Variants in DENND6B observed in about 807,000 individuals in gnomAD.
The protein encoded by DENND6B is protein DENND6B.
DENND6B carries 73 observed loss-of-function variants against 85.1 expected under a neutral mutation model. That is an observed-to-expected ratio of 0.86 (90% CI 0.71 to 1.04). The LOEUF is 1.04. DENND6B is among the 50% of genes least tolerant of loss of function. DENND6B has a pLI of 0.00. For missense variants in DENND6B, 715 were observed against 785.8 expected (o/e 0.91, Z 1.08); for synonymous variants, 357 against 329.3 (o/e 1.08, Z -0.91).
rs750309764 is a variant in DENND6B, at chr22:50,316,253, A to G, written c.560T>C (p.Val187Ala). ...FDKLAPCLEA[V>A]CSEIDQWPAP... is the part of the protein sequence containing the mutation. Reference sequence around the variant, plus strand: ...CGGCCACTGGTCGATCTCACTGCACACTGCGGATGCAGTAGCCCGCATCAG... The same window carrying G: ...CGGCCACTGGTCGATCTCACTGCACGCTGCGGATGCAGTAGCCCGCATCAG... Residue 187 changes from valine to alanine, a missense_variant and splice_region_variant, in exon 7 of 20, where the codon GTG (valine) becomes GCG (alanine). Physicochemically the swap from Val to Ala is moderately conservative, Grantham distance 64. Coordinates refer to ENST00000413817, the MANE Select transcript of DENND6B (RefSeq NM_001001794.4). The G allele has an allele frequency of 4.8e-5, 77 of 1,601,492 alleles. 1 individual carries two copies. The highest frequency in any genetic ancestry group is 6.4e-5 in the Non-Finnish European group (75 of 1,174,594).
At position 50,311,912 on chromosome 22, in the gene DENND6B, A is replaced by G; in HGVS notation, c.*227T>C. 1 of 713,584 alleles carries G rather than the reference A, an allele frequency of 1.4e-6. No homozygotes were observed. Among genetic ancestry groups the G allele is most frequent in the South Asian group, 1.9e-5 (1 of 51,966 alleles). The allele number at this position is 713,584 out of a possible 1,614,324, so 44.2% of individuals were successfully genotyped here. On this transcript the variant is annotated 3_prime_UTR_variant, in exon 20 of 20. Transcript: ENST00000413817. ...GGTCTGCAGAGGCCAGGTGGGACCC[A>G]GGAGGAGGCAAGGCTCTGCCTGCGA...
chr22:50,314,921 C>A lies in DENND6B; in HGVS notation c.759G>T (p.Arg253Ser). 6.2e-7 allele frequency: 1 copy of A among 1,608,502 alleles called. No individual in the cohort carries two copies. The highest frequency in any genetic ancestry group is 8.5e-7 in the Non-Finnish European group (1 of 1,176,788). Reference protein sequence around the residue: ...LASVHELDLFRCFRPVLTHMQ... With the variant: ...LASVHELDLFSCFRPVLTHMQ... Reference sequence around the variant, plus strand: ...TATGAGTCAGCACAGGCCGGAAGCACCTGGGGCCGGGCAGGAAGGTCGGGG... The same window carrying A: ...TATGAGTCAGCACAGGCCGGAAGCAACTGGGGCCGGGCAGGAAGGTCGGGG... The change falls in exon 10 of 20, where the codon AGG (arginine) becomes AGT (serine). Residue 253 changes from arginine to serine, a missense_variant and splice_region_variant. Physicochemically the swap from Arg to Ser is moderately radical, Grantham distance 110. Coordinates refer to ENST00000413817, the MANE Select transcript of DENND6B (RefSeq NM_001001794.4).
At chr22:50,319,392 C>T (rs967676884) in intron 1 of DENND6B, 21 of 985,314 alleles carry the variant, frequency 2.1e-5, no homozygotes, top group Middle Eastern at 5.2e-4. Context: ...GGGTGAGCTT[C>T]CTGACCCCTT....
Position 50,317,282 on chromosome 22 carries a change from A to G in DENND6B, c.453+11T>C. ...CTTGAGGTGCCAGCCCAGAGTGGCC[A>G]AGCAGCGCACCTTCTGGAAGTAGCC... is the stretch of plus-strand genomic sequence containing the variant. On this transcript the variant is annotated intron_variant, in intron 5 of 19. Coordinates refer to ENST00000413817, the MANE Select transcript of DENND6B (RefSeq NM_001001794.4). 1 of 1,612,236 alleles carries G rather than the reference A, an allele frequency of 6.2e-7. No homozygotes were observed. The highest frequency in any genetic ancestry group is 8.5e-7 in the Non-Finnish European group (1 of 1,179,374).
rs542991563 is a variant in DENND6B at position 50,310,759 on chromosome 22, A to G, written c.*1380T>C. The G allele has an allele frequency of 4.6e-5, 7 of 152,252 alleles. No individual in the cohort carries two copies. Among genetic ancestry groups the G allele is most frequent in the East Asian group, 3.9e-4 (2 of 5,176 alleles). The allele number at this position is 152,252 out of a possible 1,614,324, so 9.4% of individuals were successfully genotyped here. On this transcript the variant is annotated 3_prime_UTR_variant, in exon 20 of 20. Coordinates refer to ENST00000413817, the MANE Select transcript of DENND6B (RefSeq NM_001001794.4). The stretch of plus-strand genomic sequence containing the variant: ...GGAGATCGAGACCATCCTGGCTAAC[A>G]TGGTGAAACCCTGTCTCTACTACAA...
intron 1 of DENND6B, chr22:50,319,531 C>T (rs372120380): frequency 2.2e-6 from 2 of 921,646 alleles, no homozygotes; most frequent in East Asian, 1.4e-4. Context: ...GACCCAGAGG[C>T]CCCCTCACCC....
In DENND6B at chr22:50,317,347, G is replaced by A. The variant is rs373480065; in HGVS notation, c.399C>T (p.Tyr133=). The A allele has an allele frequency of 5.0e-5, 81 of 1,613,036 alleles. No homozygotes were observed. In the African/African-American group the frequency reaches 5.5e-4, roughly 11 times the overall value. ...TGTCCTTCACCTGCCTGAAGTACAC[G>A]TAGCCGAAGTAGTGTGCCGGCTCCC... ...LQREPAHYFG[Y]VYFRQVKDSS... The change falls in exon 5 of 20, where the codon TAC becomes TAT. Residue 133 remains tyrosine (Y), a synonymous_variant. Coordinates refer to ENST00000413817, the MANE Select transcript of DENND6B (RefSeq NM_001001794.4).
chr22:50,315,673 G>A (rs1270931309), intron 9 of DENND6B, 41 bp downstream of exon 9: 17 of 1,551,816 alleles, frequency 1.1e-5, no homozygotes, highest in Non-Finnish European at 1.5e-5. Context: ...CACACACAGT[G>A]AGCTCCTCAA....
intron 1 of DENND6B, 145 bp downstream of exon 1, chr22:50,326,667 G>C (rs1001136519): frequency 1.8e-5 from 12 of 677,872 alleles, no homozygotes; most frequent in Non-Finnish European, 2.5e-5. Flanking sequence ...AGCGCTTCTG[G>C]AGCCCGGAGA....
chr22:50,310,109 C>T lies in DENND6B; in HGVS notation c.*2030G>A, dbSNP rs983909561. 4 of 152,296 alleles carry T rather than the reference C, an allele frequency of 2.6e-5. No homozygotes were observed. The highest frequency in any genetic ancestry group is 9.6e-5 in the African/African-American group (4 of 41,468). The allele number at this position is 152,296 out of a possible 1,614,324, so 9.4% of individuals were successfully genotyped here. On this transcript the variant is annotated 3_prime_UTR_variant, in exon 20 of 20. Transcript: ENST00000413817. ...TATGGAGGTCAGCATTCAAGCTGCC[C>T]ACACAAGAGGTGCCAGCATCTCTGC...
chr22:50,321,575 G>A (rs2042045705), intron 1 of DENND6B, among the ~76,000 whole-genome samples: 1 of 151,910 alleles, frequency 6.6e-6, no homozygotes, highest in Non-Finnish European at 1.5e-5. Context: ...TATTGGCCAG[G>A]CTGGTCTCGA....
rs747002038 is a variant in DENND6B, at chr22:50,316,413, G to A, written c.516C>T (p.Ile172=). Residue 172 remains isoleucine (I), a synonymous_variant, in exon 6 of 20, where the codon ATC becomes ATT. Coordinates refer to ENST00000413817, the MANE Select transcript of DENND6B (RefSeq NM_001001794.4). ...VRLFQALLSL[I]APEYFDKLAP... is the part of the protein sequence containing the mutation. ...CCAGCTTGTCAAAGTACTCGGGGGC[G>A]ATGAGGCTTAGCAGCGCTTGGAACA... is the stretch of plus-strand genomic sequence containing the variant. 3.8e-6 allele frequency: 6 copies of A among 1,588,606 alleles called. No individual in the cohort carries two copies. Among genetic ancestry groups the A allele is most frequent in the Non-Finnish European group, 5.1e-6 (6 of 1,169,060 alleles).
At position 50,317,316 on chromosome 22, in the gene DENND6B, C is replaced by A. The variant is rs1206436696; in HGVS notation, c.430G>T (p.Val144Leu). ...VYFRQVKDSS[V>L]KRGYFQKSLV... is the part of the protein sequence containing the mutation. ...ACCTTCTGGAAGTAGCCCCTCTTCACAGAGCTGTCCTTCACCTGCCTGAAG... is the reference window on the plus strand; with the variant it reads ...ACCTTCTGGAAGTAGCCCCTCTTCAAAGAGCTGTCCTTCACCTGCCTGAAG... The change falls in exon 5 of 20, where the codon GTG becomes TTG. Residue 144 changes from valine (V) to leucine (L), a missense_variant. Transcript: ENST00000413817. 1 of 1,612,892 alleles carries A rather than the reference C, an allele frequency of 6.2e-7. No individual in the cohort carries two copies. The highest frequency in any genetic ancestry group is 8.5e-7 in the Non-Finnish European group (1 of 1,179,700).
intron 4 of DENND6B, 25 bp downstream of exon 4, chr22:50,317,883 G>T: frequency 6.3e-7 from 1 of 1,592,174 alleles, no homozygotes; most frequent in Non-Finnish European, 8.5e-7. Flanking sequence ...GGAGAAGCAG[G>T]CCAGAGACGC....
chr22:50,318,581 TGG>T (rs1313433038), intron 3 of DENND6B, among the ~76,000 whole-genome samples: 1 of 152,172 alleles, frequency 6.6e-6, no homozygotes, highest in Non-Finnish European at 1.5e-5. Flanking sequence ...GCCCAGCCCC[TGG>T]CGGCCACTGT....
chr22:50,313,835 C>T lies in DENND6B; in HGVS notation c.1182G>A (p.Ala394=), dbSNP rs367718224. 3.6e-5 allele frequency: 58 copies of T among 1,612,058 alleles called. No individual in the cohort carries two copies. The highest frequency in any genetic ancestry group is 1.8e-4 in the East Asian group (8 of 44,858). Residue 394 remains alanine, a synonymous_variant, in exon 14 of 20, where the codon GCG becomes GCA. Coordinates refer to ENST00000413817, the MANE Select transcript of DENND6B (RefSeq NM_001001794.4). ...ATACCTTGAGCAGCCGTTTGAGCAGCGCCTTGTCGCGGTGGAGGTGGGCCG... is the reference window on the plus strand; with the variant it reads ...ATACCTTGAGCAGCCGTTTGAGCAGTGCCTTGTCGCGGTGGAGGTGGGCCG... ...AYTAHLHRDK[A]LLKRLLKGVQ...
At chr22:50,322,839 C>T (rs2042087532) in intron 1 of DENND6B, among the ~76,000 whole-genome samples, 3 of 147,400 alleles carry the variant, frequency 2.0e-5, no homozygotes, top group Admixed American at 1.4e-4. Context: ...CATGAGCCAC[C>T]GTGCCCAGCC....
chr22:50,323,012 G>A (rs1338311696), intron 1 of DENND6B, among the ~76,000 whole-genome samples: 7 of 137,252 alleles, frequency 5.1e-5, no homozygotes, highest in East Asian at 4.3e-4. Context: ...CGCCATGCCC[G>A]GCTAATGCTT....
intron 1 of DENND6B, among the ~76,000 whole-genome samples, chr22:50,320,925 G>C (rs2042023129): frequency 2.0e-5 from 3 of 152,196 alleles, no homozygotes; most frequent in Admixed American, 2.0e-4. Flanking sequence ...TGGGGCCCAG[G>C]TACAGCCTGA....
Sources: gnomAD v4.1 joint callset for allele counts (sites outside exome capture counted in the v4.1 genomes callset) on GRCh38, gnomAD v4.1.1 for gene constraint, MANE v1.5 for transcripts, NCBI Gene and HGNC (gene_info 2026-07-23, HGNC 2026-07-21) for gene names.